Variants in CAMK1D observed in about 807,000 individuals in gnomAD.
CAMK1D encodes calcium/calmodulin-dependent protein kinase type 1D.
In CAMK1D, 9 loss-of-function variants were observed where a neutral mutation model predicts 47.7. That is an observed-to-expected ratio of 0.19 (90% CI 0.11 to 0.33). The LOEUF is 0.33. CAMK1D is among the 10% of genes least tolerant of loss of function. The pLI, the probability that CAMK1D is intolerant of heterozygous loss-of-function variation, is 1.00. For missense variants in CAMK1D, 291 were observed against 488.7 expected (o/e 0.60, Z 3.81); for synonymous variants, 184 against 184.9 (o/e 0.99, Z 0.04).
intron 2 of CAMK1D, among the ~76,000 whole-genome samples, chr10:12,588,413 G>A (rs1233724356): frequency 1.3e-5 from 2 of 152,166 alleles, no homozygotes; most frequent in African/African-American, 4.8e-5. Context: ...ATGAGAGTTT[G>A]CTGGAAAACA....
At chr10:12,438,718 A>G (rs1832701208) in intron 1 of CAMK1D, among the ~76,000 whole-genome samples, 1 of 152,196 alleles carries the variant, frequency 6.6e-6, no homozygotes, top group African/African-American at 2.4e-5. Flanking sequence ...AATTCTCACC[A>G]TGACTTTTGA....
At chr10:12,737,859 C>A (rs1407640850) in intron 3 of CAMK1D, among the ~76,000 whole-genome samples, 3 of 152,040 alleles carry the variant, frequency 2.0e-5, no homozygotes, top group Admixed American at 1.3e-4. Flanking sequence ...AACTCATATT[C>A]CAGTTGTATA....
chr10:12,702,607 C>T (rs1833566840), intron 3 of CAMK1D, among the ~76,000 whole-genome samples: 2 of 152,356 alleles, frequency 1.3e-5, no homozygotes, highest in South Asian at 4.1e-4. Flanking sequence ...TATCTCATTT[C>T]ATCTCTTAAA....
At chr10:12,639,357 C>G (rs971263821) in intron 2 of CAMK1D, among the ~76,000 whole-genome samples, 2 of 152,092 alleles carry the variant, frequency 1.3e-5, no homozygotes, top group Non-Finnish European at 2.9e-5. Context: ...TGGTGGTGGG[C>G]GCCTGTAATC....
At chr10:12,486,398 T>C (rs1834217016) in intron 1 of CAMK1D, among the ~76,000 whole-genome samples, 1 of 152,182 alleles carries the variant, frequency 6.6e-6, no homozygotes, top group South Asian at 2.1e-4. Context: ...GACCTCGTGA[T>C]CTGCCTGCCT....
intron 3 of CAMK1D, among the ~76,000 whole-genome samples, chr10:12,749,013 A>G (rs1835805829): frequency 6.6e-6 from 1 of 152,120 alleles, no homozygotes; most frequent in Non-Finnish European, 1.5e-5. Flanking sequence ...TGTTTCTACA[A>G]TTACTTTAAT....
At chr10:12,392,357 A>G (rs1308746093) in intron 1 of CAMK1D, among the ~76,000 whole-genome samples, 2 of 151,436 alleles carry the variant, frequency 1.3e-5, no homozygotes, top group African/African-American at 4.8e-5. Flanking sequence ...AAACCCCCAC[A>G]ACTCCTCCTT....
At chr10:12,508,793 C>G (rs887582369) in intron 1 of CAMK1D, among the ~76,000 whole-genome samples, 4 of 152,124 alleles carry the variant, frequency 2.6e-5, no homozygotes, top group African/African-American at 9.7e-5. Context: ...CTTGGGGGAC[C>G]CACTTGACTT....
chr10:12,536,680 A>G (rs1835982103), intron 1 of CAMK1D, among the ~76,000 whole-genome samples: 1 of 152,086 alleles, frequency 6.6e-6, no homozygotes, highest in South Asian at 2.1e-4. Flanking sequence ...TTCACTACCT[A>G]TGTATGTATT....
chr10:12,512,183 G>A (rs1835060375), intron 1 of CAMK1D, among the ~76,000 whole-genome samples: 1 of 152,134 alleles, frequency 6.6e-6, no homozygotes, highest in Non-Finnish European at 1.5e-5. Flanking sequence ...GCACAAATAA[G>A]TATCAAAACG....
At chr10:12,539,293 A>G (rs1836087540) in intron 1 of CAMK1D, among the ~76,000 whole-genome samples, 1 of 152,078 alleles carries the variant, frequency 6.6e-6, no homozygotes, top group Admixed American at 6.6e-5. Flanking sequence ...TAAAGAGTGT[A>G]TTGATGTGTG....
At position 12,553,305 on chromosome 10, in the gene CAMK1D, C is replaced by T. The variant is rs758758416; in HGVS notation, c.173C>T (p.Ala58Val). ...LFAVKCIPKKALKGKESSIEN... is the reference protein window; with the variant it reads ...LFAVKCIPKKVLKGKESSIEN... ...GCTGTGAAGTGTATCCCTAAGAAGG[C>T]GCTGAAGGGCAAGGAAAGCAGCATA... The change falls in exon 2 of 11, where the codon GCG becomes GTG. Residue 58 changes from alanine (A) to valine (V), a missense_variant. Physicochemically the swap from Ala to Val is moderately conservative, Grantham distance 64. Coordinates refer to ENST00000619168, the MANE Select transcript of CAMK1D (RefSeq NM_153498.4). The T allele has an allele frequency of 4.6e-5, 75 of 1,614,040 alleles. No homozygotes were observed. Among genetic ancestry groups the T allele is most frequent in the Non-Finnish European group, 5.1e-5 (60 of 1,180,030 alleles).
chr10:12,532,485 T>C (rs954379395), intron 1 of CAMK1D, among the ~76,000 whole-genome samples: 2 of 152,158 alleles, frequency 1.3e-5, no homozygotes, highest in Non-Finnish European at 2.9e-5. Flanking sequence ...TTCACCGTTT[T>C]AGCCGGGATG....
In CAMK1D at chr10:12,360,711, T is replaced by C. The variant is rs117785951; in HGVS notation, c.92+10801T>C. Among the ~76,000 whole-genome samples, 78 of 151,844 alleles carry C rather than the reference T, an allele frequency of 5.1e-4. No individual in the cohort carries two copies. The East Asian group carries it at 0.015, about 29-fold the overall frequency. Reference sequence around the variant, plus strand: ...CTCAAATGGGTCGCAAACTGGGGAGTTGAGGGCTGAGTGAGGCAAGGTGGT... The same window carrying C: ...CTCAAATGGGTCGCAAACTGGGGAGCTGAGGGCTGAGTGAGGCAAGGTGGT... On this transcript the variant is annotated intron_variant, in intron 1 of 10. Coordinates refer to ENST00000619168, the MANE Select transcript of CAMK1D (RefSeq NM_153498.4).
chr10:12,735,346 C>T (rs1178707888), intron 3 of CAMK1D, among the ~76,000 whole-genome samples: 12 of 152,056 alleles, frequency 7.9e-5, no homozygotes, highest in Admixed American at 2.0e-4. Flanking sequence ...GGCGTGGTGG[C>T]GGGCGCCTGT....
At chr10:12,637,531 G>A (rs1839543992) in intron 2 of CAMK1D, among the ~76,000 whole-genome samples, 1 of 151,282 alleles carries the variant, frequency 6.6e-6, no homozygotes, top group Non-Finnish European at 1.5e-5. Context: ...GTGTATAGAG[G>A]CAGGTTGCAG....
At chr10:12,420,210 G>A (rs932061009) in intron 1 of CAMK1D, among the ~76,000 whole-genome samples, 1 of 152,086 alleles carries the variant, frequency 6.6e-6, no homozygotes, top group African/African-American at 2.4e-5. Flanking sequence ...TGTCCGTCTC[G>A]GCCTCCCAAA....
In CAMK1D at chr10:12,750,163, C is replaced by T. The variant is rs527751111; in HGVS notation, c.300-10785C>T. On this transcript the variant is annotated intron_variant, in intron 3 of 10. Transcript: ENST00000619168. ...TCAAAATTCGCAACTGACAAATTCC[C>T]ATGATTTAATTGTTTTTTTTCCCAG... Among the ~76,000 whole-genome samples, 195 of 152,310 alleles carry T rather than the reference C, an allele frequency of 1.3e-3. 1 individual carries two copies. Among genetic ancestry groups the T allele is most frequent in the African/African-American group, 4.6e-3 (190 of 41,552 alleles).
At chr10:12,574,644 G>A (rs1448879721) in intron 2 of CAMK1D, among the ~76,000 whole-genome samples, 1 of 151,770 alleles carries the variant, frequency 6.6e-6, no homozygotes, top group Non-Finnish European at 1.5e-5. Flanking sequence ...CTCCTTTGCT[G>A]ACTTCTTCCT....
Sources: allele counts gnomAD v4.1 joint callset (sites outside exome capture counted in the v4.1 genomes callset), GRCh38; gene constraint gnomAD v4.1.1; transcripts MANE v1.5; gene names NCBI Gene and HGNC (gene_info 2026-07-23, HGNC 2026-07-21).